The following SEPTIN6 variants were observed in gnomAD, a reference collection of about 807,000 sequenced individuals.
SEPTIN6 encodes septin-6.
Under a neutral mutation model 33.6 loss-of-function variants are expected in SEPTIN6, and 8 were observed. The ratio of observed to expected loss-of-function variants is 0.24; its 90% CI spans 0.14 to 0.43. The LOEUF (loss-of-function observed/expected upper bound fraction) is 0.43. SEPTIN6 is among the 20% of genes least tolerant of loss of function. The probability of loss-of-function intolerance (pLI) is 1.00; values close to 1 mark genes in which losing one functional copy is unlikely to be tolerated. For synonymous variants in SEPTIN6, 131 were observed against 140.0 expected, an observed-to-expected ratio of 0.94 and a Z score of 0.45; for missense variants, 250 against 340.8, an observed-to-expected ratio of 0.73 and a Z score of 2.10.
chrX:119,619,769 T>A lies in SEPTIN6; in HGVS notation c.*324A>T. On this transcript the variant is annotated 3_prime_UTR_variant, in exon 11 of 11. Transcript: ENST00000394610. ...GAGTAGCAGATGGGCCCCCTGACCA[T>A]GTCACACCTCTGGCAAAGATGTGGG... 9.8e-7 allele frequency: 1 copy of A among 1,017,563 alleles called. No individual in the cohort carries two copies. Among genetic ancestry groups the A allele is most frequent in the Non-Finnish European group, 1.3e-6 (1 of 799,641 alleles). The allele number at this position is 1,017,563 out of a possible 1,213,427, so 83.9% of individuals were successfully genotyped here.
chrX:119,678,644 A>T (rs1376039740), intron 1 of SEPTIN6, among the ~76,000 whole-genome samples: 1 of 112,048 alleles, frequency 8.9e-6, no homozygotes, highest in Non-Finnish European at 1.9e-5. Flanking sequence ...TAAAGCAAAC[A>T]AAGTAAGATG....
In SEPTIN6 at chrX:119,652,973, G is replaced by A; in HGVS notation, c.409C>T (p.Arg137Ter). The change falls in exon 4 of 11, where the codon CGA (arginine) becomes TGA (stop). Residue 137 changes from arginine (R) to a stop codon, truncating the protein, a stop_gained. Transcript: ENST00000394610. LOFTEE classifies it high-confidence loss of function. ...EAYLQEELKI[R>*]RVLHTYHDSR... is the part of the protein sequence containing the mutation. ...TCATGGTAGGTGTGTAGCACTCTTC[G>A]GATCTTTAGCTCTTCCTGCAGGTAG... 8.3e-7 allele frequency: 1 copy of A among 1,209,700 alleles called. No individual in the cohort carries two copies. Among genetic ancestry groups the A allele is most frequent in the Non-Finnish European group, 1.1e-6 (1 of 894,174 alleles).
chrX:119,686,375 G>A (rs1347842455), intron 1 of SEPTIN6, among the ~76,000 whole-genome samples: 5 of 112,139 alleles, frequency 4.5e-5, no homozygotes, highest in Middle Eastern at 4.6e-3. Context: ...CCTTCATTCC[G>A]GGTCAGAGAG....
At chrX:119,667,357 G>A (rs890270565) in intron 2 of SEPTIN6, among the ~76,000 whole-genome samples, 2 of 110,695 alleles carry the variant, frequency 1.8e-5, no homozygotes, top group African/African-American at 6.6e-5. Flanking sequence ...AATGGGGGCC[G>A]GGCAGGGCAG....
At chrX:119,655,773 T>G in intron 3 of SEPTIN6, among the ~76,000 whole-genome samples, 1 of 112,304 alleles carries the variant, frequency 8.9e-6, no homozygotes, top group Non-Finnish European at 1.9e-5. Flanking sequence ...CTAGGTTCTG[T>G]GAATAGAATT....
chrX:119,665,400 G>C (rs1401459090), intron 2 of SEPTIN6, among the ~76,000 whole-genome samples: 1 of 111,878 alleles, frequency 8.9e-6, no homozygotes, highest in Non-Finnish European at 1.9e-5. Context: ...CACCGTGCCC[G>C]GCCCTTATCC....
chrX:119,646,762 G>A (rs1414571408), intron 5 of SEPTIN6: 1 of 303,393 alleles, frequency 3.3e-6, no homozygotes, highest in Admixed American at 2.8e-5. Flanking sequence ...TGGCTGGGGT[G>A]GCTGAGGCTG....
At chrX:119,653,380 G>T (rs1288182582) in intron 3 of SEPTIN6, among the ~76,000 whole-genome samples, 1 of 112,146 alleles carries the variant, frequency 8.9e-6, no homozygotes, top group African/African-American at 3.2e-5. Flanking sequence ...CGAGTCAGGG[G>T]CATAACAAGA....
Position 119,675,633 on chromosome X carries a change from A to T in SEPTIN6, c.66T>A (p.His22Gln), listed in dbSNP as rs1350992982. ...GGTCAGGCAAGCTGTCAAACCCCACATGTCCAGCCAGGGGGACAGTTCGGC... is the reference window on the plus strand; with the variant it reads ...GGTCAGGCAAGCTGTCAAACCCCACTTGTCCAGCCAGGGGGACAGTTCGGC... ...EGCRTVPLAG[H>Q]VGFDSLPDQL... Residue 22 changes from histidine to glutamine, a missense_variant, in exon 2 of 11, where the codon CAT becomes CAA. Coordinates refer to ENST00000394610, the MANE Select transcript of SEPTIN6 (RefSeq NM_145799.4). 8.7e-7 allele frequency: 1 copy of T among 1,152,765 alleles called. No homozygotes were observed. Among genetic ancestry groups the T allele is most frequent in the African/African-American group, 1.8e-5 (1 of 54,968 alleles).
rs1300985554 is a variant in SEPTIN6, at chrX:119,647,568, C to T, written c.690+2369G>A. Among the ~76,000 whole-genome samples the T allele has an allele frequency of 1.1e-4, 11 of 102,993 alleles. No individual in the cohort carries two copies. The Admixed American group carries it at 1.2e-3, about 11-fold the overall frequency. 89.4% of individuals were successfully genotyped at this position (102,993 alleles called of 115,157 possible). A position where few individuals can be genotyped will look rare whatever the true frequency, so the allele number is the denominator to read the frequency against. On this transcript the variant is annotated intron_variant, in intron 5 of 10. Transcript: ENST00000394610. Reference sequence around the variant, plus strand: ...GCTCGATCAGGGTTCACCGCAGCCTCAACTTCCCAGGCTCAAGTAATCTTC... The same window carrying T: ...GCTCGATCAGGGTTCACCGCAGCCTTAACTTCCCAGGCTCAAGTAATCTTC...
intron 6 of SEPTIN6, among the ~76,000 whole-genome samples, chrX:119,639,134 G>C (rs977858601): frequency 8.9e-6 from 1 of 112,290 alleles, no homozygotes. Context: ...AACCAGTCTT[G>C]TCCTACCTAT....
At chrX:119,673,046 C>G (rs1260028974) in intron 2 of SEPTIN6, among the ~76,000 whole-genome samples, 1 of 111,801 alleles carries the variant, frequency 8.9e-6, no homozygotes, top group Non-Finnish European at 1.9e-5. Flanking sequence ...TGGATTGAAA[C>G]TGAAGCACAT....
chrX:119,666,134 C>A (rs1194317357), intron 2 of SEPTIN6, among the ~76,000 whole-genome samples: 2 of 110,415 alleles, frequency 1.8e-5, no homozygotes, highest in African/African-American at 6.6e-5. Context: ...GAGAGGATAT[C>A]ATTAATTACT....
rs369704386 is a variant in SEPTIN6 at position 119,670,938 on chromosome X, CA to C, written c.145+4615del. ...GGGTGACAAGAGCGAAACTCCATCTCAAAAAAAAAAAAAAATGCTCTCTCTT... is the reference window on the plus strand; with the variant it reads ...GGGTGACAAGAGCGAAACTCCATCTCAAAAAAAAAAAAAATGCTCTCTCTT... On this transcript the variant is annotated intron_variant, in intron 2 of 10. Coordinates refer to ENST00000394610, the MANE Select transcript of SEPTIN6 (RefSeq NM_145799.4). Among the ~76,000 whole-genome samples the C allele has an allele frequency of 7.5e-3, 634 of 84,887 alleles. 5 individuals are homozygous for C. The highest frequency in any genetic ancestry group is 8.8e-3 in the Admixed American group (67 of 7,587). The allele number at this position is 84,887 out of a possible 115,157, so 73.7% of individuals were successfully genotyped here. A position where few individuals can be genotyped will look rare whatever the true frequency, so the allele number is the denominator to read the frequency against.
At chrX:119,672,826 T>C (rs768041500) in intron 2 of SEPTIN6, among the ~76,000 whole-genome samples, 4 of 112,215 alleles carry the variant, frequency 3.6e-5, no homozygotes, top group Non-Finnish European at 7.5e-5. Context: ...CACCTAATCA[T>C]AACCATCAGT....
At position 119,683,790 on chromosome X, in the gene SEPTIN6, G is replaced by A. The variant is rs1034300776; in HGVS notation, c.31-8122C>T. Among the ~76,000 whole-genome samples, 101 of 111,460 alleles carry A rather than the reference G, an allele frequency of 9.1e-4. 1 individual carries two copies. Among genetic ancestry groups the A allele is most frequent in the African/African-American group, 3.1e-3 (95 of 30,714 alleles). On this transcript the variant is annotated intron_variant, in intron 1 of 10. Coordinates refer to ENST00000394610, the MANE Select transcript of SEPTIN6 (RefSeq NM_145799.4). ...TTCCTGGGTAGGAAAGTGGCCTCAG[G>A]TATTTTAGAAAAATATTGAACTACA...
intron 2 of SEPTIN6, among the ~76,000 whole-genome samples, chrX:119,670,583 G>A (rs867236864): frequency 1.0e-5 from 1 of 98,876 alleles, no homozygotes; most frequent in Non-Finnish European, 2.0e-5. Context: ...AAAAAAAGAA[G>A]AAGAAGAAGA....
intron 3 of SEPTIN6, among the ~76,000 whole-genome samples, chrX:119,661,888 C>A (rs1375627670): frequency 8.9e-6 from 1 of 112,284 alleles, no homozygotes; most frequent in African/African-American, 3.2e-5. Flanking sequence ...CAGGCACCCG[C>A]CATCACACCC....
At chrX:119,683,614 A>G (rs2055002160) in intron 1 of SEPTIN6, among the ~76,000 whole-genome samples, 1 of 112,827 alleles carries the variant, frequency 8.9e-6, no homozygotes, top group African/African-American at 3.2e-5. Flanking sequence ...AGAAGAACAC[A>G]TGCCAAAATA....
Sources: allele counts gnomAD v4.1 joint callset (sites outside exome capture counted in the v4.1 genomes callset), GRCh38; gene constraint gnomAD v4.1.1; transcripts MANE v1.5; gene names NCBI Gene and HGNC (gene_info 2026-07-23, HGNC 2026-07-21).